The following FAM210A variants were observed in gnomAD, a reference collection of about 807,000 sequenced individuals.
The protein encoded by FAM210A is mitochondrial inner membrane scaffold 1.
A neutral mutation model predicts 25.3 loss-of-function variants in FAM210A; 13 were observed. That is an observed-to-expected ratio of 0.51 (90% CI 0.33 to 0.82). The LOEUF is 0.82. Ranked by LOEUF, FAM210A falls within the 40% of genes least tolerant of loss-of-function variation. FAM210A has a pLI of 0.02. For missense variants in FAM210A, 319 were observed against 323.2 expected (o/e 0.99, Z 0.10); for synonymous variants, 125 against 118.7 (o/e 1.05, Z -0.35).
At chr18:13,722,568 A>G (rs990888211) in intron 1 of FAM210A, among the ~76,000 whole-genome samples, 1 of 152,236 alleles carries the variant, frequency 6.6e-6, no homozygotes, top group African/African-American at 2.4e-5. Flanking sequence ...CCCCAGCTTC[A>G]TCAGGATGTT....
chr18:13,720,774 G>T (rs566003710), intron 1 of FAM210A, among the ~76,000 whole-genome samples: 41 of 152,312 alleles, frequency 2.7e-4, no homozygotes, highest in African/African-American at 9.6e-4. Flanking sequence ...ACTGTCTCCA[G>T]CTCTGGGGTT....
rs928581359 is a variant in FAM210A at position 13,666,703 on chromosome 18, G to A, written c.596C>T (p.Pro199Leu). ...TCCCAAAGTCACGGTATACCGAGCA[G>A]GTGTTGCAATCTTAAGCAAAAAGCA... ...TAYALFKIAT[P>L]ARYTVTLGGT... Residue 199 changes from proline (P) to leucine (L), a missense_variant, in exon 4 of 4, where the codon CCT becomes CTT. Transcript: ENST00000651643. 6.2e-7 allele frequency: 1 copy of A among 1,611,974 alleles called. No individual in the cohort carries two copies. Among genetic ancestry groups the A allele is most frequent in the South Asian group, 1.1e-5 (1 of 90,882 alleles).
chr18:13,703,189 A>AT (rs879302080), intron 1 of FAM210A, among the ~76,000 whole-genome samples: 2 of 152,216 alleles, frequency 1.3e-5, no homozygotes, highest in African/African-American at 2.4e-5. Context: ...GGTATCAGCA[A>AT]TTACTTCACA....
intron 1 of FAM210A, among the ~76,000 whole-genome samples, chr18:13,722,480 G>A (rs1449727774): frequency 6.6e-6 from 1 of 152,166 alleles, no homozygotes; most frequent in Admixed American, 6.5e-5. Flanking sequence ...TTCAGGCAAA[G>A]CAGAGTTAAC....
At chr18:13,703,618 T>G (rs1325438960) in intron 1 of FAM210A, among the ~76,000 whole-genome samples, 1 of 152,220 alleles carries the variant, frequency 6.6e-6, no homozygotes. Context: ...AGTAATCCAA[T>G]TAAGAAACTT....
At chr18:13,720,528 G>A (rs1485187489) in intron 1 of FAM210A, among the ~76,000 whole-genome samples, 1 of 152,144 alleles carries the variant, frequency 6.6e-6, no homozygotes, top group East Asian at 1.9e-4. Context: ...AATTTCACAG[G>A]TGGAAGGCCC....
chr18:13,678,356 T>C (rs1338761991), intron 2 of FAM210A, among the ~76,000 whole-genome samples: 2 of 150,548 alleles, frequency 1.3e-5, no homozygotes, highest in Non-Finnish European at 3.0e-5. Flanking sequence ...TGGCAACCTC[T>C]GCCTCCTGGG....
intron 1 of FAM210A, among the ~76,000 whole-genome samples, chr18:13,693,223 C>T (rs1272554119): frequency 1.3e-5 from 2 of 152,152 alleles, no homozygotes; most frequent in Non-Finnish European, 2.9e-5. Context: ...CTGAATAGAC[C>T]AATAACAGGC....
intron 1 of FAM210A, among the ~76,000 whole-genome samples, chr18:13,688,675 C>G (rs2043617712): frequency 6.6e-6 from 1 of 152,242 alleles, no homozygotes; most frequent in South Asian, 2.1e-4. Context: ...TGGCGGAGAG[C>G]AGCCACCCCA....
chr18:13,686,798 A>G (rs1158521538), intron 1 of FAM210A, among the ~76,000 whole-genome samples: 1 of 152,202 alleles, frequency 6.6e-6, no homozygotes, highest in Non-Finnish European at 1.5e-5. Context: ...TCCAAAAACA[A>G]ACAAACAAAA....
chr18:13,700,587 G>A (rs947244538), intron 1 of FAM210A, among the ~76,000 whole-genome samples: 1 of 152,084 alleles, frequency 6.6e-6, no homozygotes, highest in African/African-American at 2.4e-5. Context: ...CTCACTTCTC[G>A]ATTAATCAGC....
intron 1 of FAM210A, among the ~76,000 whole-genome samples, chr18:13,722,443 T>G (rs2043904771): frequency 6.6e-6 from 1 of 152,112 alleles, no homozygotes; most frequent in African/African-American, 2.4e-5. Context: ...GCAAGGTAAC[T>G]ACCTCAAGGG....
chr18:13,695,119 A>G (rs535465085), intron 1 of FAM210A, among the ~76,000 whole-genome samples: 63 of 152,370 alleles, frequency 4.1e-4, no homozygotes, highest in African/African-American at 1.3e-3. Context: ...AAAAATGCTC[A>G]TCATCACTGG....
At chr18:13,705,048 G>A (rs182485874) in intron 1 of FAM210A, among the ~76,000 whole-genome samples, 43 of 152,254 alleles carry the variant, frequency 2.8e-4, no homozygotes, top group Admixed American at 2.4e-3. Flanking sequence ...CATTTAATCT[G>A]GGTAAGAATT....
chr18:13,690,567 G>C (rs534192505), intron 1 of FAM210A, among the ~76,000 whole-genome samples: 10 of 152,316 alleles, frequency 6.6e-5, no homozygotes, highest in Admixed American at 2.6e-4. Context: ...TCCAGAGGCA[G>C]GATCAGGCAG....
intron 2 of FAM210A, among the ~76,000 whole-genome samples, chr18:13,677,026 C>G (rs892775789): frequency 2.6e-5 from 4 of 151,312 alleles, no homozygotes; most frequent in African/African-American, 9.7e-5. Flanking sequence ...AGACTCATGT[C>G]TCAAAAAACT....
Position 13,664,263 on chromosome 18 carries a change from T to C in FAM210A, c.*2217A>G, listed in dbSNP as rs544729846. The C allele has an allele frequency of 3.5e-4, 54 of 152,288 alleles. No individual in the cohort carries two copies. The highest frequency in any genetic ancestry group is 1.2e-3 in the African/African-American group (51 of 41,566). The allele number at this position is 152,288 out of a possible 1,614,324, so 9.4% of individuals were successfully genotyped here. On this transcript the variant is annotated 3_prime_UTR_variant, in exon 4 of 4. Coordinates refer to ENST00000651643, the MANE Select transcript of FAM210A (RefSeq NM_152352.4). ...AAACTGGATGGCAACAAAACTCAAATGGACTAACAAAAGATGTCTATGCAG... is the reference window on the plus strand; with the variant it reads ...AAACTGGATGGCAACAAAACTCAAACGGACTAACAAAAGATGTCTATGCAG...
intron 1 of FAM210A, among the ~76,000 whole-genome samples, chr18:13,719,101 G>A (rs2043880863): frequency 6.6e-6 from 1 of 152,142 alleles, no homozygotes; most frequent in Non-Finnish European, 1.5e-5. Context: ...TTTATAAAGT[G>A]TGCCACACAA....
intron 3 of FAM210A, 23 bp downstream of exon 3, chr18:13,671,839 A>C: frequency 6.7e-7 from 1 of 1,484,084 alleles, no homozygotes; most frequent in African/African-American, 1.4e-5. Context: ...TCTGAGGAGC[A>C]ATGGGTTTGT....
Sources: allele counts gnomAD v4.1 joint callset (sites outside exome capture counted in the v4.1 genomes callset), GRCh38; gene constraint gnomAD v4.1.1; transcripts MANE v1.5; gene names NCBI Gene and HGNC (gene_info 2026-07-23, HGNC 2026-07-21).